Variants in SBNO2 observed in about 807,000 individuals in gnomAD.
The protein encoded by SBNO2 is protein strawberry notch homolog 2.
Under a neutral mutation model 146.3 loss-of-function variants are expected in SBNO2, and 89 were observed. The ratio of observed to expected loss-of-function variants is 0.61; its 90% CI spans 0.51 to 0.73. The LOEUF is 0.73. Ranked by LOEUF, SBNO2 falls within the 30% of genes least tolerant of loss-of-function variation. SBNO2 has a pLI of 0.00. For missense variants in SBNO2, 2,092 were observed against 2,003.7 expected, an observed-to-expected ratio of 1.04 and a Z score of -0.84; for synonymous variants, 1,147 against 892.6, an observed-to-expected ratio of 1.29 and a Z score of -5.08.
At chr19:1,171,771 G>A (rs913855847) in intron 1 of SBNO2, among the ~76,000 whole-genome samples, 3 of 152,098 alleles carry the variant, frequency 2.0e-5, no homozygotes, top group Non-Finnish European at 4.4e-5. Flanking sequence ...GTGGGTGGGG[G>A]GTCTAGGGGT....
At position 1,112,057 on chromosome 19, in the gene SBNO2, G is replaced by T; in HGVS notation, c.2639C>A (p.Thr880Asn). 1 of 1,612,480 alleles carries T rather than the reference G, an allele frequency of 6.2e-7. No homozygotes were observed. Among genetic ancestry groups the T allele is most frequent in the Non-Finnish European group, 8.5e-7 (1 of 1,179,754 alleles). The part of the protein sequence containing the change: ...AKRLESLGAL[T>N]HGDRRATESR... ...CTCCGTGGCGCGGCGGTCTCCGTGGGTCAGGGCCCCCTGCCAGGGGTGGGG... is the reference window on the plus strand; with the variant it reads ...CTCCGTGGCGCGGCGGTCTCCGTGGTTCAGGGCCCCCTGCCAGGGGTGGGG... The change falls in exon 23 of 32, where the codon ACC becomes AAC. Residue 880 changes from threonine to asparagine, a missense_variant. Coordinates refer to ENST00000361757, the MANE Select transcript of SBNO2 (RefSeq NM_014963.3). This position sits in a 1 kb window ranked among gnomAD's most constrained non-coding sequence, Gnocchi z 5.9.
chr19:1,116,439 G>C (rs1207753933), intron 16 of SBNO2, among the ~76,000 whole-genome samples: 2 of 151,988 alleles, frequency 1.3e-5, no homozygotes, highest in Admixed American at 1.3e-4. Context: ...AGGCAATGGG[G>C]GGATCTAGGG....
At chr19:1,160,165 C>G (rs1284847912) in intron 1 of SBNO2, among the ~76,000 whole-genome samples, 3 of 152,146 alleles carry the variant, frequency 2.0e-5, no homozygotes, top group African/African-American at 7.2e-5. Context: ...GAAGCTGCCC[C>G]GGCAGCGAGG....
intron 4 of SBNO2, among the ~76,000 whole-genome samples, chr19:1,130,406 C>A (rs1252084598): frequency 1.3e-5 from 2 of 151,620 alleles, no homozygotes; most frequent in East Asian, 3.9e-4. Context: ...GCAGGAGGAT[C>A]CGTTGAGCCC....
Position 1,110,382 on chromosome 19 carries a change from C to T in SBNO2, c.3028+363G>A, listed in dbSNP as rs907846619. Among the ~76,000 whole-genome samples, 1 of 152,174 alleles carries T rather than the reference C, an allele frequency of 6.6e-6. No individual in the cohort carries two copies. The highest frequency in any genetic ancestry group is 2.4e-5 in the African/African-American group (1 of 41,418). On this transcript the variant is annotated intron_variant, in intron 26 of 31. Transcript: ENST00000361757. This position sits in a 1 kb window ranked among gnomAD's most constrained non-coding sequence, Gnocchi z 4.9. The stretch of plus-strand genomic sequence containing the variant: ...GAGCATGGTGGGCAGCGTGCACCAG[C>T]CTGGGCACCTTCCAGAGACGTGCAC...
rs548788211 is a variant in SBNO2 at position 1,150,521 on chromosome 19, C to T, written c.94-1079G>A. Among the ~76,000 whole-genome samples, 1 of 151,984 alleles carries T rather than the reference C, an allele frequency of 6.6e-6. No homozygotes were observed. Among genetic ancestry groups the T allele is most frequent in the South Asian group, 2.1e-4 (1 of 4,814 alleles). The stretch of plus-strand genomic sequence containing the variant: ...GGGGGAGACCCTGCCGTCACGGACG[C>T]CCCCACGGTCACGGGGGAGACCCTG... On this transcript the variant is annotated intron_variant, in intron 2 of 31. Coordinates refer to ENST00000361757, the MANE Select transcript of SBNO2 (RefSeq NM_014963.3). The surrounding 1 kb of genome is among the most constrained non-coding windows in gnomAD (Gnocchi z 6.2).
At chr19:1,123,442 G>C in intron 7 of SBNO2, 92 bp downstream of exon 7, 1 of 1,054,924 alleles carries the variant, frequency 9.5e-7, no homozygotes, top group Non-Finnish European at 1.5e-6. Flanking sequence ...CATTCCCTCT[G>C]TGGGCTGTGC....
chr19:1,149,344 A>G (rs1257395174), intron 3 of SBNO2, 25 bp downstream of exon 3: 72 of 1,546,384 alleles, frequency 4.7e-5, no homozygotes, highest in Non-Finnish European at 5.6e-5. Context: ...CCTGGGGGCC[A>G]GGCGGGGAGG....
intron 6 of SBNO2, 78 bp downstream of exon 6, chr19:1,123,863 TG>T: frequency 7.1e-7 from 1 of 1,417,034 alleles, no homozygotes; most frequent in Non-Finnish European, 9.6e-7. Flanking sequence ...CTCCCCACAA[TG>T]GAGATGCCTG....
Position 1,157,270 on chromosome 19 carries a change from C to A in SBNO2, c.-126-2868G>T, listed in dbSNP as rs908790995. On this transcript the variant is annotated intron_variant, in intron 1 of 31. Transcript: ENST00000361757. This position sits in a 1 kb window ranked among gnomAD's most constrained non-coding sequence, Gnocchi z 6.8. ...CAGCTGCCCCAATCCCCAGGATAAA[C>A]CCTAGTGGGACACTGGGTGGGGTCT... 2.3e-4 allele frequency among the ~76,000 whole-genome samples: 35 copies of A among 152,068 alleles called. No individual in the cohort carries two copies. Among genetic ancestry groups the A allele is most frequent in the African/African-American group, 7.9e-4 (33 of 41,542 alleles).
At chr19:1,152,447 T>G (rs2080251397) in intron 2 of SBNO2, among the ~76,000 whole-genome samples, 1 of 152,088 alleles carries the variant, frequency 6.6e-6, no homozygotes, top group Non-Finnish European at 1.5e-5. Flanking sequence ...CTGGCGGGTT[T>G]CGGGGGATGG....
In SBNO2 at chr19:1,109,495, C is replaced by G; in HGVS notation, c.3216+11G>C. On this transcript the variant is annotated intron_variant, in intron 28 of 31. Transcript: ENST00000361757. This position sits in a 1 kb window ranked among gnomAD's most constrained non-coding sequence, Gnocchi z 4.2. Reference sequence around the variant, plus strand: ...GCCCTCCTCTGGGGGGGTAACCCCGCCCGACCCCACCTTGTAGGAGAGGTA... The same window carrying G: ...GCCCTCCTCTGGGGGGGTAACCCCGGCCGACCCCACCTTGTAGGAGAGGTA... 1 of 1,587,440 alleles carries G rather than the reference C, an allele frequency of 6.3e-7. No homozygotes were observed. Among genetic ancestry groups the G allele is most frequent in the East Asian group, 2.3e-5 (1 of 43,490 alleles).
Position 1,108,373 on chromosome 19 carries a change from C to T in SBNO2, c.3948G>A (p.Leu1316=), listed in dbSNP as rs993730731. The T allele has an allele frequency of 1.6e-5, 21 of 1,291,920 alleles. No individual in the cohort carries two copies. In the Admixed American group the frequency reaches 4.3e-4, roughly 27 times the overall value. 80.0% of individuals were successfully genotyped at this position (1,291,920 alleles called of 1,614,324 possible). ...QGCDINFKEV[L]EDMLRSLHAG... ...CGTGCAGCGAGCGCAGCATGTCCTC[C>T]AGCACCTCCTTGAAGTTGATGTCGC... The change falls in exon 32 of 32, where the codon CTG becomes CTA. Residue 1316 remains leucine (L), a synonymous_variant. Coordinates refer to ENST00000361757, the MANE Select transcript of SBNO2 (RefSeq NM_014963.3).
chr19:1,117,631 TG>T, intron 14 of SBNO2, 132 bp from the exon 15 acceptor site: 2 of 920,920 alleles, frequency 2.2e-6, no homozygotes, highest in Non-Finnish European at 1.6e-6. Flanking sequence ...ATGGGGGTGC[TG>T]GGGGTGTGCA....
chr19:1,118,920 C>T (rs901060439), intron 14 of SBNO2, 91 bp downstream of exon 14: 2 of 1,371,956 alleles, frequency 1.5e-6, no homozygotes, highest in African/African-American at 2.9e-5. Context: ...GGGCCGTCAC[C>T]TGATGACGCC....
At chr19:1,128,785 T>C (rs1370700105) in intron 4 of SBNO2, among the ~76,000 whole-genome samples, 1 of 151,216 alleles carries the variant, frequency 6.6e-6, no homozygotes, top group Non-Finnish European at 1.5e-5. Flanking sequence ...CTGGACAATA[T>C]GGCAAAACCC....
chr19:1,168,523 G>A (rs988810291), intron 1 of SBNO2, among the ~76,000 whole-genome samples: 3 of 152,184 alleles, frequency 2.0e-5, no homozygotes, highest in African/African-American at 4.8e-5. Context: ...TCACACCCAT[G>A]GGTTCCAGGC....
Position 1,140,753 on chromosome 19 carries a change from C to A in SBNO2, c.279+6556G>T, listed in dbSNP as rs942759291. ...AGCTCCCACGGGCAGAGGCTGCTGA[C>A]CCCGCCTTGGGCAGGACCAGCCTCT... On this transcript the variant is annotated intron_variant, in intron 4 of 31. Transcript: ENST00000361757. This position sits in a 1 kb window ranked among gnomAD's most constrained non-coding sequence, Gnocchi z 4.4. Among the ~76,000 whole-genome samples the A allele has an allele frequency of 6.6e-6, 1 of 152,202 alleles. No individual in the cohort carries two copies. Among genetic ancestry groups the A allele is most frequent in the Non-Finnish European group, 1.5e-5 (1 of 68,024 alleles).
At chr19:1,135,909 C>T (rs1270236279) in intron 4 of SBNO2, among the ~76,000 whole-genome samples, 1 of 152,142 alleles carries the variant, frequency 6.6e-6, no homozygotes, top group Non-Finnish European at 1.5e-5. Flanking sequence ...ACTAGAGTGC[C>T]CCGTGCAGAG....
Sources: gnomAD v4.1 joint callset for allele counts (sites outside exome capture counted in the v4.1 genomes callset) on GRCh38, gnomAD v4.1.1 for gene constraint, Gnocchi (gnomAD v3.1) non-coding constraint, MANE v1.5 for transcripts, NCBI Gene and HGNC (gene_info 2026-07-23, HGNC 2026-07-21) for gene names.